CCDC102B: variants seen among roughly 807,000 people sequenced by gnomAD.
CCDC102B encodes coiled-coil domain-containing protein 102B.
In CCDC102B, 75 loss-of-function variants were observed where a neutral mutation model predicts 57.4. The observed-to-expected ratio is 1.31, with a 90% CI of 1.08 to 1.58. CCDC102B has a LOEUF of 1.58. CCDC102B is among the 40% of genes most tolerant of loss of function. The probability of loss-of-function intolerance (pLI) is 0.00; values close to 1 mark genes in which losing one functional copy is unlikely to be tolerated. For synonymous variants in CCDC102B, 206 were observed against 201.9 expected, an observed-to-expected ratio of 1.02 and a Z score of -0.17; for missense variants, 636 against 582.6, an observed-to-expected ratio of 1.09 and a Z score of -0.94.
chr18:68,720,196 C>T (rs1220600018), intron 2 of CCDC102B, among the ~76,000 whole-genome samples: 1 of 152,096 alleles, frequency 6.6e-6, no homozygotes, highest in Non-Finnish European at 1.5e-5. Flanking sequence ...AGGTTAATAT[C>T]CACCAATTCT....
chr18:69,030,863 C>A lies in CCDC102B; in HGVS notation c.1434+19759C>A, dbSNP rs530033597. ...AGAGATGGGGTTTCAACATATTGGC[C>A]AGGCTGGTTTCCAGCTCCTGACCTC... On this transcript the variant is annotated intron_variant, in intron 7 of 7. Transcript: ENST00000360242. 7.1e-4 allele frequency among the ~76,000 whole-genome samples: 108 copies of A among 152,220 alleles called. 1 individual carries two copies. Among genetic ancestry groups the A allele is most frequent in the African/African-American group, 2.5e-3 (103 of 41,534 alleles).
At chr18:68,771,072 A>T (rs1390452133) in intron 2 of CCDC102B, among the ~76,000 whole-genome samples, 1 of 152,220 alleles carries the variant, frequency 6.6e-6, no homozygotes, top group Non-Finnish European at 1.5e-5. Flanking sequence ...CTGAGAAGAT[A>T]GATTTGGGGA....
At chr18:68,816,459 C>CTTTTTTTTTTTTTTTTTTTTTTTT (rs869077830) in intron 1 of CCDC102B, among the ~76,000 whole-genome samples, 1 of 100,588 alleles carries the variant, frequency 9.9e-6, no homozygotes, top group African/African-American at 4.0e-5. Flanking sequence ...TATTTCCTTT[C>CTTTTTTTTTTTTTTTTTTTTTTTT]TTTTTTTTTT....
At chr18:68,885,136 G>A (rs986257649) in intron 5 of CCDC102B, among the ~76,000 whole-genome samples, 1 of 151,776 alleles carries the variant, frequency 6.6e-6, no homozygotes, top group African/African-American at 2.4e-5. Flanking sequence ...TGGAGAAAAC[G>A]AAAATATTGC....
At chr18:68,856,218 A>C (rs984069976) in intron 4 of CCDC102B, among the ~76,000 whole-genome samples, 5 of 152,290 alleles carry the variant, frequency 3.3e-5, no homozygotes, top group Admixed American at 3.3e-4. Context: ...TTAAGAAATA[A>C]ATTATGTTAA....
chr18:68,777,708 A>G (rs2034871244), intron 2 of CCDC102B, among the ~76,000 whole-genome samples: 1 of 151,886 alleles, frequency 6.6e-6, no homozygotes, highest in African/African-American at 2.4e-5. Context: ...TTACTATGTC[A>G]TGTGCCTCAA....
At chr18:68,973,731 A>G (rs778925059) in intron 6 of CCDC102B, among the ~76,000 whole-genome samples, 1 of 152,278 alleles carries the variant, frequency 6.6e-6, no homozygotes, top group South Asian at 2.1e-4. Flanking sequence ...TCAAAAATGT[A>G]CAATATTTGT....
At position 68,857,169 on chromosome 18, in the gene CCDC102B, TA is replaced by T. The variant is rs1568292144; in HGVS notation, c.936+10750del. 9.1e-4 allele frequency among the ~76,000 whole-genome samples: 37 copies of T among 40,828 alleles called. 1 individual carries two copies. The highest frequency in any genetic ancestry group is 3.8e-3 in the African/African-American group (32 of 8,314). The allele number at this position is 40,828 out of a possible 152,430, so 26.8% of individuals were successfully genotyped here. On this transcript the variant is annotated intron_variant, in intron 4 of 7. Transcript: ENST00000360242. ...ATAAATATATTTATATATTTTTATATAATATATAAAAATATATTTATATATT... is the reference window on the plus strand; with the variant it reads ...ATAAATATATTTATATATTTTTATATATATATAAAAATATATTTATATATT...
At chr18:68,793,482 A>G (rs1435901429), upstream of CCDC102B, among the ~76,000 whole-genome samples, 1 of 152,144 alleles carries the variant, frequency 6.6e-6, no homozygotes, top group East Asian at 1.9e-4. Context: ...TTTTAAAATC[A>G]CTATATACTT....
intron 7 of CCDC102B, among the ~76,000 whole-genome samples, chr18:69,018,385 T>A (rs924571434): frequency 6.6e-6 from 1 of 152,212 alleles, no homozygotes; most frequent in Non-Finnish European, 1.5e-5. Flanking sequence ...TAATTTAGAT[T>A]CTCACCAATA....
intron 2 of CCDC102B, among the ~76,000 whole-genome samples, chr18:68,764,464 T>C (rs964788468): frequency 1.3e-5 from 2 of 152,180 alleles, no homozygotes; most frequent in African/African-American, 4.8e-5. Context: ...CAGACTCAAA[T>C]TGTATTCCAG....
At chr18:68,792,786 T>C (rs2035504663) in intron 2 of CCDC102B, among the ~76,000 whole-genome samples, 1 of 152,204 alleles carries the variant, frequency 6.6e-6, no homozygotes, top group Admixed American at 6.5e-5. Flanking sequence ...GTAGATTAGA[T>C]TTATTTTTCT....
intron 2 of CCDC102B, among the ~76,000 whole-genome samples, chr18:68,773,754 TC>T (rs2034720006): frequency 6.6e-6 from 1 of 152,008 alleles, no homozygotes; most frequent in Non-Finnish European, 1.5e-5. Flanking sequence ...AAGATAGTTG[TC>T]TGAAATATAA....
At chr18:68,808,700 G>T (rs970514099) in intron 1 of CCDC102B, among the ~76,000 whole-genome samples, 1 of 151,910 alleles carries the variant, frequency 6.6e-6, no homozygotes, top group African/African-American at 2.4e-5. Flanking sequence ...GGATGGTCTC[G>T]ATCTCCTGAC....
chr18:68,983,507 C>T (rs1440884477), intron 6 of CCDC102B, among the ~76,000 whole-genome samples: 1 of 151,882 alleles, frequency 6.6e-6, no homozygotes, highest in African/African-American at 2.4e-5. Flanking sequence ...TTTCAGAGTT[C>T]ACTATTTTAC....
intron 6 of CCDC102B, among the ~76,000 whole-genome samples, chr18:68,917,454 T>A (rs2041115326): frequency 1.3e-5 from 2 of 152,202 alleles, no homozygotes; most frequent in African/African-American, 2.4e-5. Flanking sequence ...AGCTGCTAAC[T>A]CTTCCTCCGT....
intron 2 of CCDC102B, among the ~76,000 whole-genome samples, chr18:68,780,944 A>G (rs988892954): frequency 6.6e-6 from 1 of 152,164 alleles, no homozygotes; most frequent in African/African-American, 2.4e-5. Context: ...TTATTAAGAC[A>G]CATGGTCTAC....
intron 2 of CCDC102B, chr18:68,717,970 A>G (rs1201199119): frequency 4.6e-5 from 7 of 152,264 alleles, no homozygotes; most frequent in South Asian, 2.1e-4. Flanking sequence ...GATTGAAGGG[A>G]TCATCTTAGT....
At chr18:69,009,470 G>A (rs1245765198) in intron 6 of CCDC102B, among the ~76,000 whole-genome samples, 3 of 151,912 alleles carry the variant, frequency 2.0e-5, no homozygotes, top group Non-Finnish European at 2.9e-5. Context: ...ACATAAATTC[G>A]AATTGATGTG....
Sources: gnomAD v4.1 joint callset for allele counts (sites outside exome capture counted in the v4.1 genomes callset) on GRCh38, gnomAD v4.1.1 for gene constraint, MANE v1.5 for transcripts, NCBI Gene and HGNC (gene_info 2026-07-23, HGNC 2026-07-21) for gene names.